The following PRKCH variants were observed in gnomAD, a reference collection of about 807,000 sequenced individuals.
PRKCH encodes protein kinase C eta, also known as protein kinase C eta type.
Under a neutral mutation model 82.5 loss-of-function variants are expected in PRKCH, and 28 were observed. The observed-to-expected ratio is 0.34, with a 90% CI of 0.25 to 0.47. The LOEUF (loss-of-function observed/expected upper bound fraction) is 0.47. Ranked by LOEUF, PRKCH falls within the 20% of genes least tolerant of loss-of-function variation. The pLI, the probability that PRKCH is intolerant of heterozygous loss-of-function variation, is 1.00. For missense variants in PRKCH, 705 were observed against 881.8 expected, an observed-to-expected ratio of 0.80 and a Z score of 2.54; for synonymous variants, 322 against 327.4, an observed-to-expected ratio of 0.98 and a Z score of 0.18.
intron 1 of PRKCH, among the ~76,000 whole-genome samples, chr14:61,247,300 G>A (rs531554219): frequency 7.3e-5 from 11 of 151,318 alleles, no homozygotes; most frequent in South Asian, 6.3e-4. Context: ...GGAACACAAC[G>A]TATACAGATA....
At chr14:61,239,623 T>G (rs2044819460) in intron 1 of PRKCH, among the ~76,000 whole-genome samples, 1 of 152,238 alleles carries the variant, frequency 6.6e-6, no homozygotes, top group Non-Finnish European at 1.5e-5. Context: ...GAGGAGTTAT[T>G]CATTCCCTTA....
Position 61,515,519 on chromosome 14 carries a change from G to C in PRKCH, c.1434-13556G>C, listed in dbSNP as rs117125927. 1.8e-4 allele frequency among the ~76,000 whole-genome samples: 27 copies of C among 152,288 alleles called. No homozygotes were observed. In the East Asian group the frequency reaches 4.8e-3, roughly 27 times the overall value. On this transcript the variant is annotated intron_variant, in intron 10 of 13. Transcript: ENST00000332981. The stretch of plus-strand genomic sequence containing the variant: ...ACACTAAACAGAGATCTTAATTCCT[G>C]TATCTTCATGCATCAGAATTTGGTC...
chr14:61,332,071 A>G (rs1284685645), intron 1 of PRKCH, among the ~76,000 whole-genome samples: 4 of 152,236 alleles, frequency 2.6e-5, no homozygotes, highest in Non-Finnish European at 5.9e-5. Flanking sequence ...GGCAAGTCAG[A>G]GAGAGACTGA....
Position 61,415,070 on chromosome 14 carries a change from C to T in PRKCH, c.427+23782C>T, listed in dbSNP as rs138157773. ...CTGGTTCTGTGCTGTCTTTCAAACT[C>T]CTCTGGCTCAGACCCCAGTTGTCAT... On this transcript the variant is annotated intron_variant, in intron 2 of 13. Transcript: ENST00000332981. 5.3e-3 allele frequency among the ~76,000 whole-genome samples: 802 copies of T among 152,276 alleles called. 7 individuals are homozygous for T. Among genetic ancestry groups the T allele is most frequent in the Non-Finnish European group, 8.0e-3 (541 of 68,018 alleles).
At position 61,445,715 on chromosome 14, in the gene PRKCH, A is replaced by G; in HGVS notation, c.602A>G (p.Tyr201Cys). The G allele has an allele frequency of 1.2e-6, 2 of 1,609,868 alleles. No homozygotes were observed. Among genetic ancestry groups the G allele is most frequent in the Non-Finnish European group, 1.7e-6 (2 of 1,176,072 alleles). The change falls in exon 4 of 14, where the codon TAT becomes TGT. Residue 201 changes from tyrosine (Y) to cysteine (C), a missense_variant. Tyr to Cys is a radical substitution (Grantham distance 194). Coordinates refer to ENST00000332981, the MANE Select transcript of PRKCH (RefSeq NM_006255.5). The stretch of plus-strand genomic sequence containing the variant: ...AGGGGAGTGTTTGGGAAACAGGGTT[A>G]TCAGTGCCAAGGTAAGGAAACATTT... ...FIWGVFGKQG[Y>C]QCQVCTCVVH... is the part of the protein sequence containing the mutation.
chr14:61,334,461 G>A (rs1191021967), intron 1 of PRKCH, among the ~76,000 whole-genome samples: 1 of 152,158 alleles, frequency 6.6e-6, no homozygotes, highest in Admixed American at 6.5e-5. Context: ...AAAGCACTGT[G>A]CAGCAGACTT....
chr14:61,472,244 A>G (rs2140313047), intron 9 of PRKCH, among the ~76,000 whole-genome samples: 1 of 152,396 alleles, frequency 6.6e-6, no homozygotes, highest in East Asian at 1.9e-4. Flanking sequence ...GCATATATCT[A>G]AAATGGGTTA....
intron 4 of PRKCH, among the ~76,000 whole-genome samples, chr14:61,448,829 A>G (rs2140283634): frequency 6.6e-6 from 1 of 152,218 alleles, no homozygotes; most frequent in Middle Eastern, 3.4e-3. Context: ...GGAAATTTGA[A>G]CTTTGTTGAT....
intron 9 of PRKCH, among the ~76,000 whole-genome samples, chr14:61,465,506 G>T (rs1246232401): frequency 6.6e-6 from 1 of 151,992 alleles, no homozygotes; most frequent in Non-Finnish European, 1.5e-5. Context: ...TGTGTCCTTG[G>T]GATCTTTGTT....
At chr14:61,222,552 T>G (rs1243664760) in intron 1 of PRKCH, among the ~76,000 whole-genome samples, 1 of 152,264 alleles carries the variant, frequency 6.6e-6, no homozygotes, top group African/African-American at 2.4e-5. Flanking sequence ...TCAAACAAGC[T>G]AATGTGTCTC....
intron 1 of PRKCH, among the ~76,000 whole-genome samples, chr14:61,270,929 G>A (rs966403328): frequency 1.3e-5 from 2 of 152,182 alleles, no homozygotes; most frequent in Non-Finnish European, 2.9e-5. Flanking sequence ...AGCTGTGATT[G>A]CATCACCGCA....
At chr14:61,284,940 G>T (rs1233161932) in intron 1 of PRKCH, among the ~76,000 whole-genome samples, 1 of 152,120 alleles carries the variant, frequency 6.6e-6, no homozygotes, top group African/African-American at 2.4e-5. Flanking sequence ...ATGAGATGAA[G>T]ATTGAAATAA....
Position 61,467,989 on chromosome 14 carries a change from G to A in PRKCH, c.1278+10310G>A, listed in dbSNP as rs545277278. 7.9e-5 allele frequency among the ~76,000 whole-genome samples: 12 copies of A among 152,312 alleles called. No individual in the cohort carries two copies. The South Asian group carries it at 2.5e-3, about 32-fold the overall frequency. On this transcript the variant is annotated intron_variant, in intron 9 of 13. Transcript: ENST00000332981. Reference sequence around the variant, plus strand: ...AGCCAGAGTCAGTGCATGGATTCCTGACCTGACTGTCCTGCCAAATAATAT... The same window carrying A: ...AGCCAGAGTCAGTGCATGGATTCCTAACCTGACTGTCCTGCCAAATAATAT...
intron 10 of PRKCH, among the ~76,000 whole-genome samples, chr14:61,500,999 G>C (rs1318572549): frequency 6.6e-6 from 1 of 152,164 alleles, no homozygotes; most frequent in Non-Finnish European, 1.5e-5. Flanking sequence ...AGTTAAGAAC[G>C]AGGCTTTGAA....
chr14:61,308,732 G>A (rs1276921421), intron 1 of PRKCH, among the ~76,000 whole-genome samples: 2 of 152,090 alleles, frequency 1.3e-5, no homozygotes, highest in Non-Finnish European at 2.9e-5. Flanking sequence ...GGGCTCAAGT[G>A]ATCCTCCCAC....
In PRKCH at chr14:61,400,071, T is replaced by C. The variant is rs182638647; in HGVS notation, c.427+8783T>C. Reference sequence around the variant, plus strand: ...AGTGCACAATGGTGCAGAATAAGAGTCTGATCTTTTTCTTTTTGTCCCATT... The same window carrying C: ...AGTGCACAATGGTGCAGAATAAGAGCCTGATCTTTTTCTTTTTGTCCCATT... On this transcript the variant is annotated intron_variant, in intron 2 of 13. Coordinates refer to ENST00000332981, the MANE Select transcript of PRKCH (RefSeq NM_006255.5). Among the ~76,000 whole-genome samples the C allele has an allele frequency of 8.3e-3, 1,269 of 152,116 alleles. 29 individuals carry two copies. Among genetic ancestry groups the C allele is most frequent in the African/African-American group, 0.029 (1,201 of 41,428 alleles).
chr14:61,368,453 C>A (rs1360973521), intron 1 of PRKCH, among the ~76,000 whole-genome samples: 1 of 152,088 alleles, frequency 6.6e-6, no homozygotes, highest in Non-Finnish European at 1.5e-5. Context: ...CTGCCTAATA[C>A]CTGACACAAG....
At chr14:61,209,184 G>A (rs935426405) in intron 1 of PRKCH, among the ~76,000 whole-genome samples, 10 of 151,894 alleles carry the variant, frequency 6.6e-5, no homozygotes, top group Non-Finnish European at 1.3e-4. Flanking sequence ...GCCAGATACC[G>A]GTGCTATGCT....
At chr14:61,409,703 C>G in intron 2 of PRKCH, among the ~76,000 whole-genome samples, 1 of 56,116 alleles carries the variant, frequency 1.8e-5, no homozygotes, top group Non-Finnish European at 3.2e-5. Flanking sequence ...GACCCTGTCT[C>G]AAAAAAAAAA....
Sources: gnomAD v4.1 joint callset for allele counts (sites outside exome capture counted in the v4.1 genomes callset) on GRCh38, gnomAD v4.1.1 for gene constraint, MANE v1.5 for transcripts, NCBI Gene and HGNC (gene_info 2026-07-23, HGNC 2026-07-21) for gene names.